The following UNC13B variants were observed in gnomAD, a reference collection of about 807,000 sequenced individuals.
UNC13B encodes unc-13 homolog B.
In UNC13B, 144 loss-of-function variants were observed where a neutral mutation model predicts 211.0. That is an observed-to-expected ratio of 0.68 (90% CI 0.60 to 0.78). The LOEUF is 0.78. Ranked by LOEUF, UNC13B falls within the 30% of genes least tolerant of loss-of-function variation. UNC13B has a pLI of 0.00. For synonymous variants in UNC13B, 709 were observed against 725.8 expected (o/e 0.98, Z 0.37); for missense variants, 1,777 against 2,002.0 (o/e 0.89, Z 2.14).
intron 26 of UNC13B, among the ~76,000 whole-genome samples, chr9:35,392,760 T>G (rs1246876894): frequency 6.6e-6 from 1 of 151,400 alleles, no homozygotes; most frequent in Admixed American, 6.6e-5. Context: ...ACCTGCACAT[T>G]GTGCACATGT....
chr9:35,317,410 C>T (rs764755185), intron 11 of UNC13B, among the ~76,000 whole-genome samples: 1 of 151,918 alleles, frequency 6.6e-6, no homozygotes, highest in Non-Finnish European at 1.5e-5. Flanking sequence ...ACTGTGTTGC[C>T]CAGGCTGGTC....
chr9:35,228,493 C>T (rs1587417609), intron 2 of UNC13B, among the ~76,000 whole-genome samples: 1 of 152,112 alleles, frequency 6.6e-6, no homozygotes, highest in East Asian at 1.9e-4. Flanking sequence ...CCCCGTCCCC[C>T]ACCCCACGAC....
At chr9:35,190,689 G>A (rs1456953738) in intron 1 of UNC13B, among the ~76,000 whole-genome samples, 2 of 151,876 alleles carry the variant, frequency 1.3e-5, no homozygotes, top group Admixed American at 6.6e-5. Context: ...TAATTCAGTC[G>A]ACTAAAAAGA....
chr9:35,388,311 G>A (rs1835311796), intron 24 of UNC13B, among the ~76,000 whole-genome samples: 1 of 152,150 alleles, frequency 6.6e-6, no homozygotes, highest in African/African-American at 2.4e-5. Flanking sequence ...GGGAAGTTGA[G>A]GCAGGAGAAT....
At chr9:35,187,000 T>A (rs1822397337) in intron 1 of UNC13B, among the ~76,000 whole-genome samples, 1 of 152,202 alleles carries the variant, frequency 6.6e-6, no homozygotes, top group Admixed American at 6.5e-5. Context: ...TCCTTTTCGT[T>A]GGGAACCATT....
At chr9:35,219,215 A>G (rs1365495279) in intron 1 of UNC13B, among the ~76,000 whole-genome samples, 3 of 152,128 alleles carry the variant, frequency 2.0e-5, no homozygotes, top group Non-Finnish European at 2.9e-5. Flanking sequence ...AACATTGGGG[A>G]GAAACCTCAT....
chr9:35,296,480 A>G (rs182436302), intron 8 of UNC13B, among the ~76,000 whole-genome samples: 1 of 152,254 alleles, frequency 6.6e-6, no homozygotes, highest in African/African-American at 2.4e-5. Flanking sequence ...CCTCCACCCC[A>G]TCTTCTTCCT....
At chr9:35,281,877 G>C (rs1016036113) in intron 7 of UNC13B, among the ~76,000 whole-genome samples, 13 of 152,296 alleles carry the variant, frequency 8.5e-5, no homozygotes, top group African/African-American at 3.1e-4. Context: ...CATGACTTAA[G>C]GTACCTTGGG....
Position 35,162,094 on chromosome 9 carries a change from G to T in UNC13B, c.-190G>T, listed in dbSNP as rs1820807164. On this transcript the variant is annotated 5_prime_UTR_variant, in exon 1 of 40. Coordinates refer to ENST00000635942, the MANE Select transcript of UNC13B (RefSeq NM_001371189.2). The stretch of plus-strand genomic sequence containing the variant: ...TGCCGGCCGGTACTCACCGCTACCC[G>T]GAGTTCGCTCAGACGGTGAGATTTG... 2.4e-6 allele frequency: 2 copies of T among 818,332 alleles called. No individual in the cohort carries two copies. Among genetic ancestry groups the T allele is most frequent in the Non-Finnish European group, 3.8e-6 (2 of 525,508 alleles). 50.7% of individuals were successfully genotyped at this position (818,332 alleles called of 1,614,324 possible). A position where few individuals can be genotyped will look rare whatever the true frequency, so the allele number is the denominator to read the frequency against.
intron 1 of UNC13B, among the ~76,000 whole-genome samples, chr9:35,227,496 T>C (rs1056076770): frequency 2.0e-5 from 3 of 152,224 alleles, no homozygotes; most frequent in African/African-American, 7.2e-5. Context: ...GATTCTTTCC[T>C]GTGTAGTTCT....
chr9:35,248,499 A>G (rs921133462), intron 6 of UNC13B, among the ~76,000 whole-genome samples: 11 of 152,058 alleles, frequency 7.2e-5, no homozygotes, highest in Admixed American at 3.3e-4. Context: ...ATTTAGTGCT[A>G]TAAATTTCCC....
chr9:35,193,163 G>A (rs1162162183), intron 1 of UNC13B, among the ~76,000 whole-genome samples: 5 of 152,184 alleles, frequency 3.3e-5, no homozygotes, highest in Admixed American at 1.3e-4. Context: ...GAGACTATGC[G>A]ACAGTTGCAT....
chr9:35,336,491 G>T (rs558259165), intron 11 of UNC13B, among the ~76,000 whole-genome samples: 1 of 151,994 alleles, frequency 6.6e-6, no homozygotes. Flanking sequence ...TTTATTTTTT[G>T]TTTTTTATTT....
intron 15 of UNC13B, 78 bp from the exon 16 acceptor site, chr9:35,377,390 G>T: frequency 6.8e-7 from 1 of 1,465,132 alleles, no homozygotes. Flanking sequence ...CCACTGCTCT[G>T]CAGCCTCTCC....
intron 7 of UNC13B, among the ~76,000 whole-genome samples, chr9:35,287,908 A>T (rs560771470): frequency 1.0e-4 from 15 of 149,908 alleles, no homozygotes; most frequent in South Asian, 8.4e-4. Context: ...AATATACCTA[A>T]CCCTGAATTA....
chr9:35,173,570 C>T (rs1346467390), intron 1 of UNC13B, among the ~76,000 whole-genome samples: 3 of 151,962 alleles, frequency 2.0e-5, no homozygotes, highest in Non-Finnish European at 4.4e-5. Flanking sequence ...ATTACAGGCC[C>T]TCACCACCAT....
chr9:35,167,977 A>G (rs923783682), intron 1 of UNC13B, among the ~76,000 whole-genome samples: 1 of 151,350 alleles, frequency 6.6e-6, no homozygotes, highest in Non-Finnish European at 1.5e-5. Flanking sequence ...GGAGTGCAGT[A>G]GTACGATCGT....
At chr9:35,185,033 C>T (rs966164887) in intron 1 of UNC13B, among the ~76,000 whole-genome samples, 1 of 152,174 alleles carries the variant, frequency 6.6e-6, no homozygotes, top group African/African-American at 2.4e-5. Flanking sequence ...CCTCCCACCT[C>T]AAACATATTG....
chr9:35,380,700 T>C, intron 18 of UNC13B, 61 bp downstream of exon 18: 1 of 1,601,218 alleles, frequency 6.2e-7, no homozygotes. Flanking sequence ...GACCTGGGAA[T>C]AGTCCTTCTA....
Sources: gnomAD v4.1 joint callset for allele counts (sites outside exome capture counted in the v4.1 genomes callset) on GRCh38, gnomAD v4.1.1 for gene constraint, MANE v1.5 for transcripts, NCBI Gene and HGNC (gene_info 2026-07-23, HGNC 2026-07-21) for gene names.